Variants in PCDHA12 observed in about 807,000 individuals in gnomAD.
PCDHA12 encodes protocadherin alpha-12.
PCDHA12 carries 44 observed loss-of-function variants against 60.0 expected under a neutral mutation model. That is an observed-to-expected ratio of 0.73 (90% CI 0.58 to 0.94). The LOEUF is 0.94. Ranked by LOEUF, PCDHA12 falls within the 40% of genes least tolerant of loss-of-function variation. PCDHA12 has a pLI of 0.00. For synonymous variants in PCDHA12, 569 were observed against 553.0 expected (o/e 1.03, Z -0.40); for missense variants, 1,276 against 1,239.7 (o/e 1.03, Z -0.44).
intron 1 of PCDHA12, among the ~76,000 whole-genome samples, chr5:140,914,261 T>G (rs1294037425): frequency 6.6e-6 from 1 of 152,202 alleles, no homozygotes; most frequent in Non-Finnish European, 1.5e-5. Context: ...GCTTCAATGG[T>G]GGGTGCATAT....
At chr5:141,000,414 TATATA>T (rs1398508145) in intron 3 of PCDHA12, among the ~76,000 whole-genome samples, 89 of 99,526 alleles carry the variant, frequency 8.9e-4, no homozygotes, top group African/African-American at 1.6e-3. Context: ...TATATATATA[TATATA>T]TATTTTTTTT....
chr5:140,934,999 T>C (rs2090139389), intron 1 of PCDHA12, among the ~76,000 whole-genome samples: 1 of 152,196 alleles, frequency 6.6e-6, no homozygotes, highest in Admixed American at 6.5e-5. Flanking sequence ...CCTGAATCCT[T>C]TTCATGTGAG....
At chr5:140,905,669 A>T (rs781948009) in intron 1 of PCDHA12, among the ~76,000 whole-genome samples, 1 of 152,228 alleles carries the variant, frequency 6.6e-6, no homozygotes, top group Non-Finnish European at 1.5e-5. Flanking sequence ...ATCCATTAAC[A>T]TGGAACATAT....
chr5:140,883,533 A>T, intron 1 of PCDHA12: 2 of 1,614,190 alleles, frequency 1.2e-6, no homozygotes, highest in South Asian at 2.2e-5. Flanking sequence ...TCAGCCTATG[A>T]ACTGGTGGTG....
intron 1 of PCDHA12, among the ~76,000 whole-genome samples, chr5:140,879,279 A>G (rs2057928398): frequency 2.0e-5 from 3 of 152,250 alleles, no homozygotes; most frequent in East Asian, 3.8e-4. Flanking sequence ...CAGACTCAAT[A>G]CAAATGATAA....
intron 1 of PCDHA12, among the ~76,000 whole-genome samples, chr5:140,939,940 C>G (rs1438905083): frequency 6.6e-6 from 1 of 152,140 alleles, no homozygotes; most frequent in Non-Finnish European, 1.5e-5. Context: ...TTATCAGTTA[C>G]TGAGAAAATT....
chr5:140,977,067 A>G (rs2096744217), intron 1 of PCDHA12, among the ~76,000 whole-genome samples: 1 of 152,250 alleles, frequency 6.6e-6, no homozygotes, highest in South Asian at 2.1e-4. Context: ...TATAGAAAAT[A>G]GCAGCATGAC....
At chr5:140,997,456 C>T (rs2097770717) in intron 3 of PCDHA12, among the ~76,000 whole-genome samples, 1 of 152,146 alleles carries the variant, frequency 6.6e-6, no homozygotes, top group African/African-American at 2.4e-5. Context: ...ATACTGAATA[C>T]TGTAGGCAAT....
rs781883324 is a variant in PCDHA12 at position 140,927,514 on chromosome 5, G to A, written c.2367+49675G>A. 3.2e-5 allele frequency: 52 copies of A among 1,613,938 alleles called. No individual in the cohort carries two copies. The highest frequency in any genetic ancestry group is 4.2e-5 in the Non-Finnish European group (49 of 1,180,040). ...CCTGCTGGTGCTTACAGCTCGGGAC[G>A]GCGGGCTACCTGCCCGCTCAGGAGA... On this transcript the variant is annotated intron_variant, in intron 1 of 3. Coordinates refer to ENST00000398631, the MANE Select transcript of PCDHA12 (RefSeq NM_018903.4).
intron 1 of PCDHA12, among the ~76,000 whole-genome samples, chr5:140,906,808 C>A (rs902394073): frequency 6.6e-6 from 1 of 152,214 alleles, no homozygotes; most frequent in Non-Finnish European, 1.5e-5. Flanking sequence ...CTCTTCCTTA[C>A]CTCCACTGTG....
chr5:140,893,817 C>T (rs951661016), intron 1 of PCDHA12, among the ~76,000 whole-genome samples: 73 of 152,098 alleles, frequency 4.8e-4, no homozygotes, highest in African/African-American at 1.7e-3. Context: ...AGTCTGGTAC[C>T]GTAGACTACT....
intron 1 of PCDHA12, chr5:140,884,666 A>C (rs1554181818): frequency 6.4e-7 from 1 of 1,571,180 alleles, no homozygotes; most frequent in African/African-American, 1.4e-5. Flanking sequence ...GAAAGAGGTA[A>C]GCTTATATTT....
intron 3 of PCDHA12, among the ~76,000 whole-genome samples, chr5:140,993,344 A>G (rs1379621962): frequency 1.3e-5 from 2 of 152,022 alleles, no homozygotes; most frequent in Admixed American, 6.6e-5. Context: ...GAAGGGCACT[A>G]CGAAGATCCT....
rs140058365 is a variant in PCDHA12 at position 140,928,379 on chromosome 5, G to A, written c.2367+50540G>A. 5.7e-4 allele frequency: 913 copies of A among 1,614,172 alleles called. 5 individuals are homozygous for A. The African/African-American group carries it at 0.01, about 18-fold the overall frequency. On this transcript the variant is annotated intron_variant, in intron 1 of 3. Transcript: ENST00000398631. ...ATCTCTGAAGGGCCATCAGCCTCTA[G>A]CTTGCTGGCAGTGGAATCATCCAGT...
At chr5:140,967,156 G>A (rs1169438367) in intron 1 of PCDHA12, 1 of 1,610,422 alleles carries the variant, frequency 6.2e-7, no homozygotes, top group Admixed American at 1.7e-5. Context: ...ACCCCGTGGC[G>A]GTGAGCGCCG....
intron 1 of PCDHA12, among the ~76,000 whole-genome samples, chr5:140,918,864 A>T (rs1225688566): frequency 6.6e-6 from 1 of 152,180 alleles, no homozygotes; most frequent in Non-Finnish European, 1.5e-5. Flanking sequence ...TGAATCATGA[A>T]CTTTCAAGCC....
intron 1 of PCDHA12, among the ~76,000 whole-genome samples, chr5:140,909,682 A>G (rs1172515528): frequency 1.3e-5 from 2 of 152,132 alleles, no homozygotes; most frequent in Non-Finnish European, 2.9e-5. Flanking sequence ...CAGGGAGCCA[A>G]TGTGGGGGTT....
Position 140,876,164 on chromosome 5 carries a change from C to G in PCDHA12, c.692C>G (p.Thr231Ser). ...ELTGSVQIQI[T>S]VLDVNDNGPA... Reference sequence around the variant, plus strand: ...ACAGGGTCTGTCCAGATTCAAATAACCGTCCTGGATGTGAATGACAATGGT... The same window carrying G: ...ACAGGGTCTGTCCAGATTCAAATAAGCGTCCTGGATGTGAATGACAATGGT... Residue 231 changes from threonine to serine, a missense_variant, in exon 1 of 4, where the codon ACC becomes AGC. Physicochemically the swap from Thr to Ser is moderately conservative, Grantham distance 58. Coordinates refer to ENST00000398631, the MANE Select transcript of PCDHA12 (RefSeq NM_018903.4). 5 of 1,613,950 alleles carry G rather than the reference C, an allele frequency of 3.1e-6. No homozygotes were observed. Among genetic ancestry groups the G allele is most frequent in the Non-Finnish European group, 4.2e-6 (5 of 1,179,902 alleles).
intron 3 of PCDHA12, among the ~76,000 whole-genome samples, chr5:141,006,446 C>T (rs2098274720): frequency 1.3e-5 from 2 of 152,066 alleles, no homozygotes; most frequent in South Asian, 4.1e-4. Flanking sequence ...ATCTCCTGAC[C>T]TCGAGATCTG....
Sources: gnomAD v4.1 joint callset for allele counts (sites outside exome capture counted in the v4.1 genomes callset) on GRCh38, gnomAD v4.1.1 for gene constraint, MANE v1.5 for transcripts, NCBI Gene and HGNC (gene_info 2026-07-23, HGNC 2026-07-21) for gene names.